Variants in KAZN observed in about 807,000 individuals in gnomAD.
The protein encoded by KAZN is kazrin.
Under a neutral mutation model 87.4 loss-of-function variants are expected in KAZN, and 40 were observed. The ratio of observed to expected loss-of-function variants is 0.46; its 90% CI spans 0.36 to 0.60. The LOEUF (loss-of-function observed/expected upper bound fraction) is 0.60, where lower values mean the gene tolerates loss of function less well. KAZN is among the 20% of genes least tolerant of loss of function. The pLI, the probability that KAZN is intolerant of heterozygous loss-of-function variation, is 0.00. For missense variants in KAZN, 898 were observed against 1,073.9 expected (o/e 0.84, Z 2.29); for synonymous variants, 466 against 458.3 (o/e 1.02, Z -0.22).
chr1:14,972,888 A>G (rs1215896349), intron 2 of KAZN, among the ~76,000 whole-genome samples: 3 of 151,924 alleles, frequency 2.0e-5, no homozygotes, highest in African/African-American at 4.8e-5. Flanking sequence ...TGGGGTATTG[A>G]ATGCAACACA....
chr1:13,958,308 C>T (rs1266636868), intron 1 of KAZN, among the ~76,000 whole-genome samples: 1 of 152,146 alleles, frequency 6.6e-6, no homozygotes, highest in Non-Finnish European at 1.5e-5. Flanking sequence ...CGGTGGCTCA[C>T]GCCTGTAATC....
intron 2 of KAZN, among the ~76,000 whole-genome samples, chr1:14,307,838 C>A (rs1253086423): frequency 6.6e-6 from 1 of 152,178 alleles, no homozygotes; most frequent in Non-Finnish European, 1.5e-5. Context: ...TTATTAACTA[C>A]AAATGAAGAA....
intron 1 of KAZN, among the ~76,000 whole-genome samples, chr1:13,953,260 TG>T (rs1641422327): frequency 6.6e-6 from 1 of 152,210 alleles, no homozygotes; most frequent in South Asian, 2.1e-4. Flanking sequence ...GGGCCTGGAA[TG>T]GTCTAAAGTA....
chr1:14,402,794 G>A (rs1375761539), intron 2 of KAZN, among the ~76,000 whole-genome samples: 1 of 151,668 alleles, frequency 6.6e-6, no homozygotes, highest in Admixed American at 6.6e-5. Context: ...ATCGATGAAG[G>A]AGAATAAAAA....
intron 1 of KAZN, among the ~76,000 whole-genome samples, chr1:13,943,524 A>G (rs1641018366): frequency 1.3e-5 from 2 of 152,240 alleles, no homozygotes; most frequent in South Asian, 4.1e-4. Flanking sequence ...CAAAGCTTAA[A>G]TAAAGGTGTT....
chr1:14,421,214 A>T (rs1038864985), intron 2 of KAZN, among the ~76,000 whole-genome samples: 1 of 152,242 alleles, frequency 6.6e-6, no homozygotes, highest in Non-Finnish European at 1.5e-5. Flanking sequence ...TTATTCAGGG[A>T]AGAGCTCCCA....
At chr1:14,827,148 A>G (rs1646914956) in intron 1 of KAZN, among the ~76,000 whole-genome samples, 1 of 152,166 alleles carries the variant, frequency 6.6e-6, no homozygotes, top group Admixed American at 6.5e-5. Flanking sequence ...TCCATTGGCT[A>G]AGGTAACTTT....
intron 2 of KAZN, among the ~76,000 whole-genome samples, chr1:14,982,045 C>T (rs1307499109): frequency 6.6e-6 from 1 of 152,180 alleles, no homozygotes; most frequent in East Asian, 1.9e-4. Context: ...CCTGGAGAGC[C>T]TGTGTGCCAG....
intron 2 of KAZN, among the ~76,000 whole-genome samples, chr1:14,297,088 C>T (rs1654182318): frequency 6.6e-6 from 1 of 152,232 alleles, no homozygotes; most frequent in South Asian, 2.1e-4. Context: ...GCAATGCATT[C>T]AGCTGCAAGG....
intron 2 of KAZN, among the ~76,000 whole-genome samples, chr1:14,326,042 C>T (rs567063859): frequency 6.6e-6 from 1 of 152,178 alleles, no homozygotes; most frequent in Non-Finnish European, 1.5e-5. Flanking sequence ...ACATTGAGAA[C>T]TCCTGTAGCT....
Position 14,960,670 on chromosome 1 carries a change from C to G in KAZN, c.227-14C>G. 2.6e-6 allele frequency: 4 copies of G among 1,556,752 alleles called. No homozygotes were observed. Among genetic ancestry groups the G allele is most frequent in the South Asian group, 2.4e-5 (2 of 84,452 alleles). ...GACGTTCCTGTCCTCTAACCCTGTG[C>G]CCTTCTCCCCTAGTGCTCCTGCGGG... On this transcript the variant is annotated splice_polypyrimidine_tract_variant and intron_variant, in intron 1 of 14. Coordinates refer to ENST00000376030, the MANE Select transcript of KAZN (RefSeq NM_201628.3).
intron 2 of KAZN, among the ~76,000 whole-genome samples, chr1:14,209,458 A>T (rs917363378): frequency 6.6e-6 from 1 of 152,242 alleles, no homozygotes; most frequent in Non-Finnish European, 1.5e-5. Flanking sequence ...CTGGGCAGCT[A>T]TAACCTTTGG....
intron 1 of KAZN, among the ~76,000 whole-genome samples, chr1:14,731,269 C>T (rs1174170439): frequency 1.3e-5 from 2 of 152,188 alleles, no homozygotes; most frequent in African/African-American, 4.8e-5. Flanking sequence ...CTTAATCGTG[C>T]AGCACCCATT....
chr1:14,727,450 C>CTTTTTTTTTTTTTTTTTTTTTTTTTT (rs57203868), intron 1 of KAZN, among the ~76,000 whole-genome samples: 5 of 73,920 alleles, frequency 6.8e-5, no homozygotes, highest in South Asian at 5.2e-4. Flanking sequence ...TGTGCACTTT[C>CTTTTTTTTTTTTTTTTTTTTTTTTTT]TTTTTTTTTT....
At position 14,056,108 on chromosome 1, in the gene KAZN, C is replaced by T. The variant is rs540173414; in HGVS notation, c.92-124327C>T. ...CAAAGCCTTTTCACCTAGGAGGCAA[C>T]TCAGCTTCATGGAGCCTCAGCTTTG... On this transcript the variant is annotated intron_variant, in intron 1 of 16. Coordinates refer to the KAZN transcript ENST00000636203. Among the ~76,000 whole-genome samples, 5 of 152,358 alleles carry T rather than the reference C, an allele frequency of 3.3e-5. No homozygotes were observed. In the South Asian group the frequency reaches 6.2e-4, roughly 19 times the overall value.
intron 1 of KAZN, among the ~76,000 whole-genome samples, chr1:14,958,717 C>T (rs575955545): frequency 6.6e-6 from 1 of 152,226 alleles, no homozygotes; most frequent in Non-Finnish European, 1.5e-5. Context: ...AATACACATC[C>T]CCTTTTACCA....
At chr1:14,159,541 C>T (rs191587263) in intron 1 of KAZN, among the ~76,000 whole-genome samples, 36 of 152,280 alleles carry the variant, frequency 2.4e-4, no homozygotes, top group Admixed American at 4.6e-4. Context: ...CCCAGAAATG[C>T]GGTCCAAAAG....
At chr1:14,012,590 G>C (rs1225685531) in intron 1 of KAZN, among the ~76,000 whole-genome samples, 1 of 152,260 alleles carries the variant, frequency 6.6e-6, no homozygotes, top group Admixed American at 6.5e-5. Context: ...TGACGCGGGT[G>C]GATCAGGAGT....
chr1:14,828,810 G>A (rs1348705758), intron 1 of KAZN, among the ~76,000 whole-genome samples: 2 of 152,206 alleles, frequency 1.3e-5, no homozygotes, highest in African/African-American at 2.4e-5. Context: ...GCATCCAGAG[G>A]TTGGTGGTTT....
Sources: allele counts gnomAD v4.1 joint callset (sites outside exome capture counted in the v4.1 genomes callset), GRCh38; gene constraint gnomAD v4.1.1; transcripts MANE v1.5; gene names NCBI Gene and HGNC (gene_info 2026-07-23, HGNC 2026-07-21).